AKR1E2: variants seen among roughly 807,000 people sequenced by gnomAD.
AKR1E2 encodes the protein 1,5-anhydro-D-fructose reductase.
Under a neutral mutation model 41.9 loss-of-function variants are expected in AKR1E2, and 43 were observed. The observed-to-expected ratio is 1.03, with a 90% CI of 0.80 to 1.32. The LOEUF (loss-of-function observed/expected upper bound fraction) is 1.32. Among genes scored for constraint, AKR1E2 ranks in the 40% most tolerant of loss-of-function variants. The pLI, the probability that AKR1E2 is intolerant of heterozygous loss-of-function variation, is 0.00. For synonymous variants in AKR1E2, 121 were observed against 138.9 expected (o/e 0.87, Z 0.91); for missense variants, 423 against 396.5 (o/e 1.07, Z -0.57).
chr10:4,846,636 C>T (rs985339144), intron 8 of AKR1E2, among the ~76,000 whole-genome samples: 1 of 151,770 alleles, frequency 6.6e-6, no homozygotes, highest in African/African-American at 2.4e-5. Context: ...ACCTCCACCT[C>T]CTGGGTTCAA....
the AKR1E2 span, among the ~76,000 whole-genome samples, chr10:4,870,683 C>T: frequency 1.5e-3 from 225 of 151,262 alleles, 1 homozygote; most frequent in African/African-American, 5.1e-3. Flanking sequence ...GGTTAGGTGA[C>T]ATTTTTCTCT....
the AKR1E2 span, among the ~76,000 whole-genome samples, chr10:4,855,526 T>C: frequency 2.0e-5 from 3 of 151,834 alleles, no homozygotes; most frequent in Non-Finnish European, 4.4e-5. Flanking sequence ...GTACTTTCTC[T>C]TGGTTTCTGC....
chr10:4,868,417 GT>G, the AKR1E2 span, among the ~76,000 whole-genome samples: 1 of 152,164 alleles, frequency 6.6e-6, no homozygotes, highest in African/African-American at 2.4e-5. Context: ...GTCTGTTTTT[GT>G]GGGTGGGGAG....
chr10:4,841,879 G>T, intron 7 of AKR1E2, 22 bp downstream of exon 7: 2 of 1,608,530 alleles, frequency 1.2e-6, no homozygotes, highest in Non-Finnish European at 1.7e-6. Flanking sequence ...GGGCTGTTCT[G>T]AGCCAGGTGG....
At chr10:4,854,302 C>A in the AKR1E2 span, among the ~76,000 whole-genome samples, 2 of 152,082 alleles carry the variant, frequency 1.3e-5, no homozygotes, top group Non-Finnish European at 2.9e-5. Flanking sequence ...CCATATTGAC[C>A]AGGCTGGTCT....
intron 1 of AKR1E2, 24 bp downstream of exon 1, chr10:4,826,387 G>C: frequency 8.1e-7 from 1 of 1,233,188 alleles, no homozygotes; most frequent in South Asian, 4.1e-5. Context: ...GGGCAGGGAG[G>C]CGCGCCTGAC....
chr10:4,839,637 G>A lies in AKR1E2; in HGVS notation c.583-92G>A, dbSNP rs796473430. On this transcript the variant is annotated intron_variant, in intron 5 of 9. Transcript: ENST00000298375. ...GAGCTGGGCCCCATGGCTACTCGGT[G>A]ACAGCCAAGACTTTGACGCAGGTCT... 5 of 1,202,550 alleles carry A rather than the reference G, an allele frequency of 4.2e-6. No individual in the cohort carries two copies. In the African/African-American group the frequency reaches 7.5e-5, roughly 18 times the overall value. The allele number at this position is 1,202,550 out of a possible 1,614,324, so 74.5% of individuals were successfully genotyped here. A position where few individuals can be genotyped will look rare whatever the true frequency, so the allele number is the denominator to read the frequency against.
intron 8 of AKR1E2, among the ~76,000 whole-genome samples, chr10:4,844,123 A>T (rs571323659): frequency 1.3e-5 from 2 of 152,228 alleles, no homozygotes; most frequent in African/African-American, 4.8e-5. Flanking sequence ...TACAGTTCTT[A>T]AAGGTGGTGT....
intron 6 of AKR1E2, among the ~76,000 whole-genome samples, chr10:4,841,342 G>A (rs776930067): frequency 1.1e-4 from 16 of 152,164 alleles, no homozygotes; most frequent in African/African-American, 1.7e-4. Flanking sequence ...AAGGTTCCAC[G>A]TGTTCACAAT....
At chr10:4,844,138 G>A (rs1457541207) in intron 8 of AKR1E2, among the ~76,000 whole-genome samples, 11 of 152,258 alleles carry the variant, frequency 7.2e-5, no homozygotes, top group East Asian at 3.9e-4. Context: ...TGGTGTGTCC[G>A]GAGTTTGTTC....
In AKR1E2 at chr10:4,837,592, GGAAGCATCA is replaced by G. The variant is rs1242159674; in HGVS notation, c.582+14_582+22del. ...CCACTAACCAACCAGGTAAGCCGAT[GGAAGCATCA>G]GAGAGTTTAACCTGTGTGGCTGGTC... On this transcript the variant is annotated intron_variant, in intron 5 of 9. Transcript: ENST00000298375. The G allele has an allele frequency of 1.2e-6, 2 of 1,611,708 alleles. No individual in the cohort carries two copies. The highest frequency in any genetic ancestry group is 3.3e-5 in the Admixed American group (2 of 59,966).
At chr10:4,855,283 T>C in the AKR1E2 span, among the ~76,000 whole-genome samples, 2 of 152,226 alleles carry the variant, frequency 1.3e-5, no homozygotes, top group South Asian at 4.1e-4. Flanking sequence ...GTGAGGCTAG[T>C]CATAAGTTGG....
At position 4,826,312 on chromosome 10, in the gene AKR1E2, GC is replaced by G; in HGVS notation, c.-11del. The stretch of plus-strand genomic sequence containing the variant: ...TGCGGGGCGGCGGGGCGGCGGGGCG[GC>G]CGGCGGCGGCCATGGGAGATATCCC... On this transcript the variant is annotated 5_prime_UTR_variant, in exon 1 of 10. Coordinates refer to ENST00000298375, the MANE Select transcript of AKR1E2 (RefSeq NM_001040177.3). 1 of 1,233,396 alleles carries G rather than the reference GC, an allele frequency of 8.1e-7. No individual in the cohort carries two copies. The highest frequency in any genetic ancestry group is 1.0e-6 in the Non-Finnish European group (1 of 987,404). 76.4% of individuals were successfully genotyped at this position (1,233,396 alleles called of 1,614,324 possible). A position where few individuals can be genotyped will look rare whatever the true frequency, so the allele number is the denominator to read the frequency against.
At chr10:4,847,401 G>A (rs565321681) in intron 9 of AKR1E2, 87 bp from the exon 10 acceptor site, 65 of 1,543,452 alleles carry the variant, frequency 4.2e-5, no homozygotes, top group Admixed American at 3.6e-4. Flanking sequence ...GCACTGGGGA[G>A]TTTAAAAGTA....
chr10:4,844,136 C>T lies in AKR1E2; in HGVS notation c.837+1632C>T, dbSNP rs183822427. 3.2e-3 allele frequency among the ~76,000 whole-genome samples: 490 copies of T among 152,174 alleles called. 3 individuals are homozygous for T. The highest frequency in any genetic ancestry group is 0.011 in the African/African-American group (477 of 41,522). Reference sequence around the variant, plus strand: ...GTTACAGTTCTTAAAGGTGGTGTGTCCGGAGTTTGTTCCTTCTGATGTTCG... The same window carrying T: ...GTTACAGTTCTTAAAGGTGGTGTGTTCGGAGTTTGTTCCTTCTGATGTTCG... On this transcript the variant is annotated intron_variant, in intron 8 of 9. Coordinates refer to ENST00000298375, the MANE Select transcript of AKR1E2 (RefSeq NM_001040177.3).
rs1832818963 is a variant in AKR1E2 at position 4,829,683 on chromosome 10, C to G, written c.40-992C>G. 2.0e-5 allele frequency among the ~76,000 whole-genome samples: 3 copies of G among 151,890 alleles called. No homozygotes were observed. In the South Asian group the frequency reaches 6.2e-4, roughly 32 times the overall value. ...TTTTCTAGGAATTTTCCCATTTTAT[C>G]TCATTTTTCCAAGTTATTGACATAT... is the stretch of plus-strand genomic sequence containing the variant. On this transcript the variant is annotated intron_variant, in intron 1 of 9. Coordinates refer to ENST00000298375, the MANE Select transcript of AKR1E2 (RefSeq NM_001040177.3).
chr10:4,827,887 G>A (rs191032338), intron 1 of AKR1E2, among the ~76,000 whole-genome samples: 2 of 152,208 alleles, frequency 1.3e-5, no homozygotes, highest in African/African-American at 2.4e-5. Context: ...CAACAATTTG[G>A]TGCAGGAGTC....
At chr10:4,827,075 GAAAA>G (rs5782783) in intron 1 of AKR1E2, among the ~76,000 whole-genome samples, 1 of 123,136 alleles carries the variant, frequency 8.1e-6, no homozygotes, top group Non-Finnish European at 1.7e-5. Context: ...GACCTTGCTG[GAAAA>G]AAAAAAAAAA....
At chr10:4,851,365 CAG>C (rs1233357612), downstream of AKR1E2, among the ~76,000 whole-genome samples, 1 of 152,186 alleles carries the variant, frequency 6.6e-6, no homozygotes, top group Non-Finnish European at 1.5e-5. Context: ...CTGCTCTGGG[CAG>C]AGAGGGCTAA....
Sources: gnomAD v4.1 joint callset for allele counts (sites outside exome capture counted in the v4.1 genomes callset) on GRCh38, gnomAD v4.1.1 for gene constraint, MANE v1.5 for transcripts, NCBI Gene and HGNC (gene_info 2026-07-23, HGNC 2026-07-21) for gene names.